ARHGAP21: variants seen among roughly 807,000 people sequenced by gnomAD.
ARHGAP21 encodes Rho GTPase activating protein 21.
ARHGAP21 carries 38 observed loss-of-function variants against 164.6 expected under a neutral mutation model. The observed-to-expected ratio is 0.23, with a 90% CI of 0.18 to 0.30. The LOEUF is 0.30. ARHGAP21 is among the 10% of genes least tolerant of loss of function. The probability of loss-of-function intolerance (pLI) is 1.00; values close to 1 mark genes in which losing one functional copy is unlikely to be tolerated. For missense variants in ARHGAP21, 1,822 were observed against 2,370.7 expected, an observed-to-expected ratio of 0.77 and a Z score of 4.81; for synonymous variants, 766 against 857.9, an observed-to-expected ratio of 0.89 and a Z score of 1.87.
intron 2 of ARHGAP21, among the ~76,000 whole-genome samples, chr10:24,700,670 TTATTTAAA>T (rs1843590720): frequency 6.6e-6 from 1 of 152,248 alleles, no homozygotes; most frequent in Non-Finnish European, 1.5e-5. Context: ...TTCTACATAA[TTATTTAAA>T]TAATATGGTA....
intron 2 of ARHGAP21, among the ~76,000 whole-genome samples, chr10:24,690,690 T>TGGTAGCATGTGC (rs1842682504): frequency 1.3e-5 from 2 of 151,766 alleles, no homozygotes; most frequent in Non-Finnish European, 2.9e-5. Context: ...TTAGCAGGTG[T>TGGTAGCATGTGC]GGTAGCATGT....
intron 2 of ARHGAP21, among the ~76,000 whole-genome samples, chr10:24,689,938 AT>A (rs1565169377): frequency 7.3e-5 from 9 of 124,072 alleles, no homozygotes; most frequent in African/African-American, 3.0e-4. Flanking sequence ...GTATATGTAT[AT>A]ATGTATATGT....
chr10:24,718,667 C>T (rs776434071), intron 2 of ARHGAP21, among the ~76,000 whole-genome samples: 10 of 152,134 alleles, frequency 6.6e-5, no homozygotes, highest in Non-Finnish European at 1.3e-4. Context: ...CAAACTCGTA[C>T]CCAGAAAAAT....
chr10:24,638,000 G>A (rs921946103), intron 4 of ARHGAP21, among the ~76,000 whole-genome samples: 1 of 151,908 alleles, frequency 6.6e-6, no homozygotes, highest in Non-Finnish European at 1.5e-5. Context: ...GAGTAGCTGG[G>A]ATAACAGGTG....
intron 14 of ARHGAP21, among the ~76,000 whole-genome samples, chr10:24,599,329 TCTCC>T (rs1312050356): frequency 6.6e-6 from 1 of 152,202 alleles, no homozygotes; most frequent in Non-Finnish European, 1.5e-5. Flanking sequence ...AAGTTCTTAT[TCTCC>T]CTGTTTATTT....
Position 24,641,997 on chromosome 10 carries a change from G to GAA in ARHGAP21, c.269-6896_269-6895dup, listed in dbSNP as rs202129015. Among the ~76,000 whole-genome samples, 175 of 113,528 alleles carry GAA rather than the reference G, an allele frequency of 1.5e-3. 2 individuals carry two copies. Among genetic ancestry groups the GAA allele is most frequent in the African/African-American group, 4.7e-3 (150 of 32,242 alleles). 74.5% of individuals were successfully genotyped at this position (113,528 alleles called of 152,430 possible). A position where few individuals can be genotyped will look rare whatever the true frequency, so the allele number is the denominator to read the frequency against. ...GGTGACAGAGCGAGACTCCATCTTG[G>GAA]AAAAAAAAAAAAAAAAGTTTTACCG... is the stretch of plus-strand genomic sequence containing the variant. On this transcript the variant is annotated intron_variant, in intron 4 of 25. Coordinates refer to ENST00000396432, the MANE Select transcript of ARHGAP21 (RefSeq NM_020824.4).
At chr10:24,678,930 T>C (rs1012175376) in intron 2 of ARHGAP21, among the ~76,000 whole-genome samples, 5 of 152,248 alleles carry the variant, frequency 3.3e-5, no homozygotes, top group Admixed American at 1.3e-4. Flanking sequence ...GGTTGCTGCA[T>C]GTATCTATAG....
At chr10:24,662,973 T>TC (rs938379427) in intron 4 of ARHGAP21, among the ~76,000 whole-genome samples, 1 of 151,682 alleles carries the variant, frequency 6.6e-6, no homozygotes, top group African/African-American at 2.4e-5. Flanking sequence ...GATTTTTTTT[T>TC]TTTTTCAGTA....
At chr10:24,705,134 T>C (rs1844108509) in intron 2 of ARHGAP21, among the ~76,000 whole-genome samples, 1 of 152,186 alleles carries the variant, frequency 6.6e-6, no homozygotes, top group Non-Finnish European at 1.5e-5. Context: ...GACCTCAAAC[T>C]AGAAAGTTTT....
At chr10:24,604,425 T>C in intron 11 of ARHGAP21, 77 bp from the exon 12 acceptor site, 1 of 964,464 alleles carries the variant, frequency 1.0e-6, no homozygotes, top group Non-Finnish European at 1.6e-6. Flanking sequence ...ATTTGAATAT[T>C]ACAATTACTC....
Position 24,646,428 on chromosome 10 carries a change from C to A in ARHGAP21, c.269-11325G>T, listed in dbSNP as rs911230653. Among the ~76,000 whole-genome samples, 14 of 151,636 alleles carry A rather than the reference C, an allele frequency of 9.2e-5. 1 individual carries two copies. The highest frequency in any genetic ancestry group is 4.4e-5 in the Non-Finnish European group (3 of 67,912). On this transcript the variant is annotated intron_variant, in intron 4 of 25. Coordinates refer to ENST00000396432, the MANE Select transcript of ARHGAP21 (RefSeq NM_020824.4). The stretch of plus-strand genomic sequence containing the variant: ...GCACTTTGGGAGGCAGAGCCAGGAG[C>A]CTAGTACAAGACCAGCCTAGGCAAC...
chr10:24,624,309 T>C (rs1834860022), intron 7 of ARHGAP21, among the ~76,000 whole-genome samples: 1 of 149,982 alleles, frequency 6.7e-6, no homozygotes, highest in Admixed American at 6.6e-5. Flanking sequence ...ATAATTAGAA[T>C]ATCTGCCTGG....
intron 2 of ARHGAP21, among the ~76,000 whole-genome samples, chr10:24,720,849 T>C (rs1376964358): frequency 6.6e-6 from 1 of 152,132 alleles, no homozygotes; most frequent in Non-Finnish European, 1.5e-5. Context: ...AACCCTTCAA[T>C]GAAAACATAG....
Position 24,714,669 on chromosome 10 carries a change from A to AAT in ARHGAP21, c.63+7166_63+7167dup, listed in dbSNP as rs776188029. On this transcript the variant is annotated intron_variant, in intron 2 of 25. Transcript: ENST00000396432. ...AAGAAACACAAAATTAAAATTAAAT[A>AAT]ATAGAGTTATACCATACTGTAACTA... Among the ~76,000 whole-genome samples, 160 of 152,342 alleles carry AAT rather than the reference A, an allele frequency of 1.1e-3. 1 individual carries two copies. The highest frequency in any genetic ancestry group is 9.0e-4 in the Non-Finnish European group (61 of 68,032).
intron 2 of ARHGAP21, among the ~76,000 whole-genome samples, chr10:24,694,146 A>G (rs61855025): frequency 0.062 from 9,443 of 152,276 alleles, 381 homozygotes; most frequent in Admixed American, 0.12. Context: ...TAGGCCCCAG[A>G]AAGTACCATT....
At chr10:24,713,924 A>G (rs929190491) in intron 2 of ARHGAP21, among the ~76,000 whole-genome samples, 1 of 152,220 alleles carries the variant, frequency 6.6e-6, no homozygotes, top group African/African-American at 2.4e-5. Context: ...CCATAAAACT[A>G]TTTTAGTGAA....
chr10:24,654,105 TA>T (rs1352617318), intron 4 of ARHGAP21, among the ~76,000 whole-genome samples: 2 of 152,034 alleles, frequency 1.3e-5, no homozygotes, highest in Non-Finnish European at 2.9e-5. Context: ...CTCAATAAAT[TA>T]AGTATTGATG....
intron 14 of ARHGAP21, among the ~76,000 whole-genome samples, chr10:24,600,132 C>CAAAAAA (rs56180973): frequency 0.023 from 2,174 of 94,752 alleles, 138 homozygotes; most frequent in African/African-American, 0.075. Flanking sequence ...GACTTCGTTT[C>CAAAAAA]AAAAAAAAAA....
chr10:24,629,789 C>T (rs1178347385), intron 7 of ARHGAP21: 1 of 627,878 alleles, frequency 1.6e-6, no homozygotes, highest in East Asian at 3.3e-5. Flanking sequence ...GTAGAATCAA[C>T]ATAACATTTC....
Sources: gnomAD v4.1 joint callset for allele counts (sites outside exome capture counted in the v4.1 genomes callset) on GRCh38, gnomAD v4.1.1 for gene constraint, MANE v1.5 for transcripts, NCBI Gene and HGNC (gene_info 2026-07-23, HGNC 2026-07-21) for gene names.